The following ARFGEF3 variants were observed in gnomAD, a reference collection of about 807,000 sequenced individuals.
The protein encoded by ARFGEF3 is brefeldin A-inhibited guanine nucleotide-exchange protein 3.
A neutral mutation model predicts 221.7 loss-of-function variants in ARFGEF3; 96 were observed. The observed-to-expected ratio is 0.43, with a 90% confidence interval of 0.37 to 0.51. The LOEUF is 0.51. Ranked by LOEUF, ARFGEF3 falls within the 20% of genes least tolerant of loss-of-function variation. The probability of loss-of-function intolerance (pLI) is 0.00; values close to 1 mark genes in which losing one functional copy is unlikely to be tolerated. For missense variants in ARFGEF3, 2,410 were observed against 2,789.9 expected, an observed-to-expected ratio of 0.86 and a Z score of 3.07; for synonymous variants, 1,145 against 1,126.8, an observed-to-expected ratio of 1.02 and a Z score of -0.32.
chr6:138,213,066 C>T (rs1354370872), intron 4 of ARFGEF3, among the ~76,000 whole-genome samples: 3 of 151,828 alleles, frequency 2.0e-5, no homozygotes, highest in South Asian at 2.1e-4. Context: ...AGGTGGGGGG[C>T]TCACGAGGTC....
chr6:138,204,236 G>T (rs1007299747), intron 2 of ARFGEF3, among the ~76,000 whole-genome samples: 19 of 150,646 alleles, frequency 1.3e-4, no homozygotes, highest in African/African-American at 4.7e-4. Flanking sequence ...TACTTGGGAG[G>T]CTGAGGCAGG....
Position 138,196,926 on chromosome 6 carries a change from C to A in ARFGEF3, c.138-10116C>A, listed in dbSNP as rs545136680. ...TCGGCTCACCGCAACCTCCGCCTCC[C>A]GGGTTCAAACGATTCTCCTGCCTCA... On this transcript the variant is annotated intron_variant, in intron 2 of 33. Coordinates refer to ENST00000251691, the MANE Select transcript of ARFGEF3 (RefSeq NM_020340.5). Among the ~76,000 whole-genome samples, 6 of 151,356 alleles carry A rather than the reference C, an allele frequency of 4.0e-5. No individual in the cohort carries two copies. The East Asian group carries it at 1.2e-3, about 30-fold the overall frequency.
rs572649917 is a variant in ARFGEF3 at position 138,217,308 on chromosome 6, A to G, written c.351+7267A>G. The G allele has an allele frequency of 2.0e-5, 3 of 152,344 alleles. No homozygotes were observed. The South Asian group carries it at 6.2e-4, about 32-fold the overall frequency. The allele number at this position is 152,344 out of a possible 1,614,324, so 9.4% of individuals were successfully genotyped here. A position where few individuals can be genotyped will look rare whatever the true frequency, so the allele number is the denominator to read the frequency against. ...TGGATGTTCTATAGATCCAAACAGA[A>G]TGGGAAAGTTCTCTGATTTTTTAAT... On this transcript the variant is annotated intron_variant, in intron 4 of 33. Transcript: ENST00000251691.
At chr6:138,264,045 C>A (rs1443652967) in intron 12 of ARFGEF3, among the ~76,000 whole-genome samples, 1 of 152,110 alleles carries the variant, frequency 6.6e-6, no homozygotes, top group African/African-American at 2.4e-5. Context: ...CACGCCAAGT[C>A]CTCCCAATAT....
chr6:138,280,002 G>A lies in ARFGEF3; in HGVS notation c.2299G>A (p.Asp767Asn). The A allele has an allele frequency of 1.2e-6, 2 of 1,613,876 alleles. No individual in the cohort carries two copies. Among genetic ancestry groups the A allele is most frequent in the Non-Finnish European group, 1.7e-6 (2 of 1,179,828 alleles). ...RPTLAPGVMK[D>N]FMKQVQTSGV... Reference sequence around the variant, plus strand: ...TTCTCATGCGATCTCTCTGTAGAAGGACTTCATGAAGCAGGTGCAGACCAG... The same window carrying A: ...TTCTCATGCGATCTCTCTGTAGAAGAACTTCATGAAGCAGGTGCAGACCAG... Residue 767 changes from aspartate (D) to asparagine (N), a missense_variant, in exon 14 of 34, where the codon GAC (aspartate) becomes AAC (asparagine). This residue lies in a region of ARFGEF3 where 594 missense variants were observed against 734.3 expected (regional missense o/e 0.81). Coordinates refer to ENST00000251691, the MANE Select transcript of ARFGEF3 (RefSeq NM_020340.5).
intron 2 of ARFGEF3, among the ~76,000 whole-genome samples, chr6:138,202,265 G>A (rs1777550777): frequency 6.6e-6 from 1 of 152,170 alleles, no homozygotes; most frequent in Non-Finnish European, 1.5e-5. Context: ...TTCCAGTACA[G>A]TGTGTGCAAA....
intron 19 of ARFGEF3, 90 bp downstream of exon 19, chr6:138,292,143 A>C: frequency 9.1e-7 from 1 of 1,100,398 alleles, no homozygotes. Flanking sequence ...GGGACGACCC[A>C]TTTGTTAGCC....
intron 32 of ARFGEF3, among the ~76,000 whole-genome samples, chr6:138,332,917 G>T (rs769914076): frequency 4.1e-4 from 62 of 152,168 alleles, no homozygotes; most frequent in Non-Finnish European, 6.6e-4. Flanking sequence ...TGAGATTTAT[G>T]CAGGATTTGT....
rs983554430 is a variant in ARFGEF3 at position 138,337,508 on chromosome 6, G to C, written c.*1022G>C. 9.8e-5 allele frequency: 15 copies of C among 152,482 alleles called. No individual in the cohort carries two copies. The highest frequency in any genetic ancestry group is 3.4e-4 in the African/African-American group (14 of 41,368). 9.4% of individuals were successfully genotyped at this position (152,482 alleles called of 1,614,324 possible). On this transcript the variant is annotated 3_prime_UTR_variant, in exon 34 of 34. Transcript: ENST00000251691. ...GAAGGGAGCAGGGAGTGTGGGGTGG[G>C]GATGGATTATGATGAAATCATTTTC...
chr6:138,241,828 G>A (rs532511860), intron 6 of ARFGEF3, among the ~76,000 whole-genome samples: 24 of 152,284 alleles, frequency 1.6e-4, no homozygotes, highest in African/African-American at 4.8e-4. Flanking sequence ...ATTTTGTATC[G>A]TCACAAATCC....
At chr6:138,297,103 T>C in intron 21 of ARFGEF3, 148 bp downstream of exon 21, 2 of 853,246 alleles carry the variant, frequency 2.3e-6, no homozygotes, top group Non-Finnish European at 3.5e-6. Context: ...CAAACATCAC[T>C]GTTTTCTGGT....
intron 2 of ARFGEF3, among the ~76,000 whole-genome samples, chr6:138,177,224 G>C (rs879437711): frequency 6.6e-6 from 1 of 151,900 alleles, no homozygotes; most frequent in Non-Finnish European, 1.5e-5. Flanking sequence ...CTGTAGCTAG[G>C]ACTACAGGCA....
At position 138,335,248 on chromosome 6, in the gene ARFGEF3, C is replaced by G. The variant is rs73776903; in HGVS notation, c.6342+60C>G. On this transcript the variant is annotated intron_variant, in intron 33 of 33. Transcript: ENST00000251691. The stretch of plus-strand genomic sequence containing the variant: ...GCTGGGTTTCCAGTACTGGATGGGC[C>G]CCCCCTTGCAGAGCAGGCATACACA... 2.6e-3 allele frequency: 3,850 copies of G among 1,453,840 alleles called. 95 individuals carry two copies. In the African/African-American group the frequency reaches 0.049, roughly 18 times the overall value. 90.1% of individuals were successfully genotyped at this position (1,453,840 alleles called of 1,614,324 possible).
In ARFGEF3 at chr6:138,162,154, G is replaced by C. The variant is rs1776626699; in HGVS notation, c.68G>C (p.Ser23Thr). The C allele has an allele frequency of 1.2e-6, 2 of 1,602,058 alleles. No homozygotes were observed. Among genetic ancestry groups the C allele is most frequent in the African/African-American group, 1.4e-5 (1 of 73,336 alleles). Residue 23 changes from serine to threonine, a missense_variant, in exon 1 of 34, where the codon AGC becomes ACC. By Grantham distance (58) the Ser-to-Thr change is moderately conservative. Around this residue, in one of 5 missense-constraint regions of ARFGEF3, gnomAD observed 570 missense variants for 586.9 expected, o/e 0.97. Coordinates refer to ENST00000251691, the MANE Select transcript of ARFGEF3 (RefSeq NM_020340.5). The surrounding 1 kb of genome is among the most constrained non-coding windows in gnomAD (Gnocchi z 4.7). ...AGCAAGTACAAAGCCATCAAGGAGA[G>C]CTGCACCTGGGCCCTGGGTAAGCGT... ...SGSKYKAIKE[S>T]CTWALETLGG...
Position 138,341,779 on chromosome 6 carries a change from T to A in ARFGEF3, c.*5293T>A, listed in dbSNP as rs558507472. The A allele has an allele frequency of 2.0e-5, 3 of 152,196 alleles. No individual in the cohort carries two copies. Among genetic ancestry groups the A allele is most frequent in the Non-Finnish European group, 4.4e-5 (3 of 68,036 alleles). 9.4% of individuals were successfully genotyped at this position (152,196 alleles called of 1,614,324 possible). A position where few individuals can be genotyped will look rare whatever the true frequency, so the allele number is the denominator to read the frequency against. ...CTTAAGATTTTGGAACAGAACACCC[T>A]TTAGATTTCCAAAACACAATTCTTA... On this transcript the variant is annotated 3_prime_UTR_variant, in exon 34 of 34. Coordinates refer to ENST00000251691, the MANE Select transcript of ARFGEF3 (RefSeq NM_020340.5).
intron 9 of ARFGEF3, among the ~76,000 whole-genome samples, 193 bp downstream of exon 9, chr6:138,254,177 G>A (rs1215265594): frequency 6.6e-6 from 1 of 152,138 alleles, no homozygotes; most frequent in Non-Finnish European, 1.5e-5. Flanking sequence ...CGCACTTTGG[G>A]AGGCCGAGGC....
intron 5 of ARFGEF3, among the ~76,000 whole-genome samples, chr6:138,236,153 T>C (rs535594149): frequency 1.3e-5 from 2 of 152,336 alleles, no homozygotes; most frequent in African/African-American, 4.8e-5. Flanking sequence ...AGAGATTGCA[T>C]AGTGGTATGT....
intron 1 of ARFGEF3, among the ~76,000 whole-genome samples, chr6:138,166,886 T>G (rs1262237666): frequency 6.6e-6 from 1 of 152,202 alleles, no homozygotes; most frequent in African/African-American, 2.4e-5. Flanking sequence ...CCATCTGCTT[T>G]TTCTTCCAGC....
chr6:138,201,245 A>G (rs946220187), intron 2 of ARFGEF3, among the ~76,000 whole-genome samples: 4 of 152,224 alleles, frequency 2.6e-5, no homozygotes, highest in Non-Finnish European at 5.9e-5. Flanking sequence ...TACAGCCACT[A>G]TGGAAAACAG....
Sources: allele counts gnomAD v4.1 joint callset (sites outside exome capture counted in the v4.1 genomes callset), GRCh38; gene constraint gnomAD v4.1.1; regional missense constraint gnomAD v4.1.1; non-coding constraint Gnocchi (gnomAD v3.1); transcripts MANE v1.5; gene names NCBI Gene and HGNC (gene_info 2026-07-23, HGNC 2026-07-21).